The following PCDHGB2 variants were observed in gnomAD, a reference collection of about 807,000 sequenced individuals.
The protein encoded by PCDHGB2 is protocadherin gamma-B2.
In PCDHGB2, 55 loss-of-function variants were observed where a neutral mutation model predicts 59.3. The ratio of observed to expected loss-of-function variants is 0.93; its 90% confidence interval spans 0.75 to 1.16. PCDHGB2 has a LOEUF of 1.16. Ranked by LOEUF, PCDHGB2 falls within the 50% of genes most tolerant of loss-of-function variation. The pLI is 0.00. For missense variants in PCDHGB2, 1,228 were observed against 1,198.5 expected, an observed-to-expected ratio of 1.02 and a Z score of -0.36; for synonymous variants, 516 against 512.0, an observed-to-expected ratio of 1.01 and a Z score of -0.11.
At chr5:141,370,986 G>T in intron 1 of PCDHGB2, 1 of 1,613,992 alleles carries the variant, frequency 6.2e-7, no homozygotes, top group Non-Finnish European at 8.5e-7. Flanking sequence ...AGTACTGAAA[G>T]CACCCCTGGA....
chr5:141,400,538 A>C (rs994052728), intron 1 of PCDHGB2: 5 of 1,613,662 alleles, frequency 3.1e-6, no homozygotes, highest in Non-Finnish European at 4.2e-6. Context: ...AGTTTCATTT[A>C]TGTCTATTCT....
At chr5:141,510,906 C>G in intron 3 of PCDHGB2, 41 bp from the exon 4 acceptor site, 1 of 1,613,582 alleles carries the variant, frequency 6.2e-7, no homozygotes, top group Non-Finnish European at 8.5e-7. Context: ...TGTTGAGGAC[C>G]CTAAGTTTAG....
At chr5:141,373,805 GAT>G in intron 1 of PCDHGB2, 2 of 337,732 alleles carry the variant, frequency 5.9e-6, no homozygotes, top group African/African-American at 2.1e-5. Context: ...TCCTCTGTGT[GAT>G]AGTTTCACAA....
chr5:141,366,284 C>A (rs941616031), intron 1 of PCDHGB2: 1 of 1,613,596 alleles, frequency 6.2e-7, no homozygotes, highest in African/African-American at 1.3e-5. Flanking sequence ...CCATGGCCAG[C>A]CCCCTCTGTC....
intron 1 of PCDHGB2, among the ~76,000 whole-genome samples, chr5:141,379,998 C>A (rs560610207): frequency 7.1e-6 from 1 of 140,462 alleles, no homozygotes; most frequent in South Asian, 2.4e-4. Flanking sequence ...CTCCTGGGTT[C>A]AAGCGATTCT....
chr5:141,400,337 C>G (rs752660585), intron 1 of PCDHGB2: 7 of 1,614,080 alleles, frequency 4.3e-6, no homozygotes, highest in African/African-American at 2.7e-5. Flanking sequence ...GTGGTTCCCC[C>G]CAACTACAGT....
At chr5:141,510,917 C>A in intron 3 of PCDHGB2, 30 bp from the exon 4 acceptor site, 2 of 1,613,854 alleles carry the variant, frequency 1.2e-6, no homozygotes, top group Non-Finnish European at 8.5e-7. Flanking sequence ...CTAAGTTTAG[C>A]TCCCACCTGA....
chr5:141,478,186 C>T, intron 1 of PCDHGB2: 2 of 1,614,016 alleles, frequency 1.2e-6, no homozygotes, highest in Non-Finnish European at 1.7e-6. Context: ...AAAAAAATCT[C>T]ACCTTTTATC....
intron 1 of PCDHGB2, among the ~76,000 whole-genome samples, chr5:141,455,130 A>G (rs1446894125): frequency 6.6e-6 from 1 of 150,872 alleles, no homozygotes; most frequent in South Asian, 2.1e-4. Flanking sequence ...GTTTTAAATT[A>G]CACTGTGTTA....
At chr5:141,418,328 G>A (rs1298044571) in intron 1 of PCDHGB2, 1 of 1,614,002 alleles carries the variant, frequency 6.2e-7, no homozygotes, top group Non-Finnish European at 8.5e-7. Flanking sequence ...TCTTGAGTCT[G>A]CAGAAGATCC....
At chr5:141,388,353 G>A (rs1441506976) in intron 1 of PCDHGB2, 1 of 1,613,858 alleles carries the variant, frequency 6.2e-7, no homozygotes, top group Non-Finnish European at 8.5e-7. Flanking sequence ...ATTAGGATCT[G>A]CCCATGATGC....
chr5:141,394,435 C>T, intron 1 of PCDHGB2: 1 of 1,614,246 alleles, frequency 6.2e-7, no homozygotes, highest in Non-Finnish European at 8.5e-7. Flanking sequence ...GGGGACCCGC[C>T]CCTCAGCAGC....
intron 1 of PCDHGB2, among the ~76,000 whole-genome samples, chr5:141,473,773 T>C (rs1473510505): frequency 6.6e-6 from 1 of 152,254 alleles, no homozygotes; most frequent in Non-Finnish European, 1.5e-5. Context: ...GGATTTGGTA[T>C]TTTAATTCAA....
chr5:141,426,488 T>G, intron 1 of PCDHGB2: 1 of 328,024 alleles, frequency 3.0e-6, no homozygotes, highest in Non-Finnish European at 6.1e-6. Context: ...AACCTTAGAG[T>G]TAGTGCAGAG....
intron 1 of PCDHGB2, chr5:141,393,162 T>C (rs771570808): frequency 3.1e-6 from 5 of 1,613,142 alleles, no homozygotes; most frequent in Admixed American, 1.7e-5. Context: ...AGGAAAACTC[T>C]TTGGGGTAGA....
intron 1 of PCDHGB2, chr5:141,420,440 C>G (rs1298244162): frequency 9.3e-7 from 1 of 1,076,214 alleles, no homozygotes; most frequent in Non-Finnish European, 1.2e-6. Context: ...AATTAAATGC[C>G]TCAGTCTTCC....
At chr5:141,439,500 TTCTC>T (rs1399113868) in intron 1 of PCDHGB2, among the ~76,000 whole-genome samples, 9 of 152,246 alleles carry the variant, frequency 5.9e-5, no homozygotes, top group Admixed American at 2.0e-4. Context: ...AGAAACGTCT[TTCTC>T]TCTGCTCTCA....
In PCDHGB2 at chr5:141,432,287, G is replaced by A. The variant is rs189131107; in HGVS notation, c.2422-62520G>A. On this transcript the variant is annotated intron_variant, in intron 1 of 3. Transcript: ENST00000522605. This position sits in a 1 kb window ranked among gnomAD's most constrained non-coding sequence, Gnocchi z 6.0. ...ATCGTCCTACGTGTCCATCAACTCC[G>A]ACACTGGGGTACTGTATGCGCTGAG... The A allele has an allele frequency of 2.3e-4, 365 of 1,614,216 alleles. 2 individuals carry two copies. In the East Asian group the frequency reaches 6.5e-3, roughly 29 times the overall value.
chr5:141,476,523 C>G lies in PCDHGB2; in HGVS notation c.2422-18284C>G. On this transcript the variant is annotated intron_variant, in intron 1 of 3. Transcript: ENST00000522605. This position sits in a 1 kb window ranked among gnomAD's most constrained non-coding sequence, Gnocchi z 7.6. ...ATCAACGACAACAATCCTGCTTTCC[C>G]TACCCAGGAAATGAAATTGGAGATT... is the stretch of plus-strand genomic sequence containing the variant. 1 of 1,614,218 alleles carries G rather than the reference C, an allele frequency of 6.2e-7. No individual in the cohort carries two copies.
Sources: allele counts gnomAD v4.1 joint callset (sites outside exome capture counted in the v4.1 genomes callset), GRCh38; gene constraint gnomAD v4.1.1; non-coding constraint Gnocchi (gnomAD v3.1); transcripts MANE v1.5; gene names NCBI Gene and HGNC (gene_info 2026-07-23, HGNC 2026-07-21).